The following ZNF283 variants were observed in gnomAD, a reference collection of about 807,000 sequenced individuals.
ZNF283 encodes the protein zinc finger protein 41.
A neutral mutation model predicts 9.2 loss-of-function variants in ZNF283; 10 were observed. The observed-to-expected ratio is 1.09, with a 90% CI of 0.67 to 1.85. The LOEUF (loss-of-function observed/expected upper bound fraction) is 1.85. Ranked by LOEUF, ZNF283 falls within the 40% of genes most tolerant of loss-of-function variation. The pLI, the probability that ZNF283 is intolerant of heterozygous loss-of-function variation, is 0.00. For synonymous variants in ZNF283, 234 were observed against 244.1 expected (o/e 0.96, Z 0.38); for missense variants, 631 against 760.1 (o/e 0.83, Z 2.00).
At chr19:43,846,764 C>G (rs1447761652) in intron 6 of ZNF283, among the ~76,000 whole-genome samples, 175 bp from the exon 7 acceptor site, 1 of 152,078 alleles carries the variant, frequency 6.6e-6, no homozygotes, top group Admixed American at 6.6e-5. Flanking sequence ...TCAGAACATT[C>G]AGATCACAAG....
Position 43,847,730 on chromosome 19 carries a change from T to G in ZNF283, c.1129T>G (p.Cys377Gly). ...CCATACTGGTAAGAAACCTTATGAA[T>G]GTAAAATATGTGGAAAGGCTTTTTG... Reference protein sequence around the residue: ...KIHTGKKPYECKICGKAFCWG... With the variant: ...KIHTGKKPYEGKICGKAFCWG... The change falls in exon 7 of 7, where the codon TGT (cysteine) becomes GGT (glycine). Residue 377 changes from cysteine (C) to glycine (G), a missense_variant. Around this residue, in one of 3 missense-constraint regions of ZNF283, gnomAD observed 444 missense variants for 522.5 expected, o/e 0.85. Coordinates refer to ENST00000618787, the MANE Select transcript of ZNF283 (RefSeq NM_181845.2). 6.2e-7 allele frequency: 1 copy of G among 1,613,674 alleles called. No homozygotes were observed.
intron 2 of ZNF283, 139 bp from the exon 3 acceptor site, chr19:43,831,179 G>A: frequency 1.9e-6 from 1 of 523,516 alleles, no homozygotes; most frequent in South Asian, 3.0e-5. Flanking sequence ...TACTTTAATT[G>A]GTCATTCACT....
intron 2 of ZNF283, among the ~76,000 whole-genome samples, chr19:43,829,820 G>A (rs1314350344): frequency 6.6e-6 from 1 of 152,014 alleles, no homozygotes; most frequent in African/African-American, 2.4e-5. Context: ...TCAGAAGTTC[G>A]AGACCAGCCT....
chr19:43,836,660 G>A (rs1599718060), intron 5 of ZNF283, among the ~76,000 whole-genome samples: 1 of 152,172 alleles, frequency 6.6e-6, no homozygotes, highest in Admixed American at 6.6e-5. Flanking sequence ...ATTTCTTAAA[G>A]GGGAAAGATG....
intron 6 of ZNF283, among the ~76,000 whole-genome samples, chr19:43,843,293 A>T (rs750284871): frequency 2.6e-5 from 4 of 152,196 alleles, no homozygotes; most frequent in Non-Finnish European, 5.9e-5. Flanking sequence ...GTGAGCCAAG[A>T]TCGTGCCACT....
Position 43,849,735 on chromosome 19 carries a change from TC to T in ZNF283, c.*1095del, listed in dbSNP as rs1971553813. The T allele has an allele frequency of 6.6e-6, 1 of 152,206 alleles. No homozygotes were observed. The highest frequency in any genetic ancestry group is 1.5e-5 in the Non-Finnish European group (1 of 68,038). 9.4% of individuals were successfully genotyped at this position (152,206 alleles called of 1,614,324 possible). On this transcript the variant is annotated 3_prime_UTR_variant, in exon 7 of 7. Transcript: ENST00000618787. Reference sequence around the variant, plus strand: ...GATGGTGAGCAAAATGCTTATCTCTTCTGGACATGATGTTTCAAATGCTGAT... The same window carrying T: ...GATGGTGAGCAAAATGCTTATCTCTTTGGACATGATGTTTCAAATGCTGAT...
rs1392399011 is a variant in ZNF283 at position 43,847,367 on chromosome 19, T to C, written c.766T>C (p.Phe256Leu). 2 of 1,613,730 alleles carry C rather than the reference T, an allele frequency of 1.2e-6. No individual in the cohort carries two copies. Among genetic ancestry groups the C allele is most frequent in the Non-Finnish European group, 1.7e-6 (2 of 1,179,884 alleles). Residue 256 changes from phenylalanine to leucine, a missense_variant, in exon 7 of 7, where the codon TTT becomes CTT. By Grantham distance (22) the Phe-to-Leu change is conservative. Transcript: ENST00000618787. Reference protein sequence around the residue: ...SAYQLNVHQRFHTGEKPYECK... With the variant: ...SAYQLNVHQRLHTGEKPYECK... ...CTATCAACTCAATGTGCATCAGAGA[T>C]TTCATACTGGTGAGAAACCCTATGA...
rs772479572 is a variant in ZNF283, at chr19:43,847,926, G to A, written c.1325G>A (p.Arg442His). Residue 442 changes from arginine (R) to histidine (H), a missense_variant, in exon 7 of 7, where the codon CGT (arginine) becomes CAT (histidine). This residue lies in a region of ZNF283 where 444 missense variants were observed against 522.5 expected (regional missense o/e 0.85). Transcript: ENST00000618787. The stretch of plus-strand genomic sequence containing the variant: ...AAAGAATGTGGAAAGGCCTTTAGTC[G>A]TGGCTATCACCTTTCTCAACATCAG... ...ECKECGKAFS[R>H]GYHLSQHQKI... is the part of the protein sequence containing the mutation. 9 of 1,613,758 alleles carry A rather than the reference G, an allele frequency of 5.6e-6. No homozygotes were observed. Among genetic ancestry groups the A allele is most frequent in the Non-Finnish European group, 6.8e-6 (8 of 1,179,884 alleles).
chr19:43,829,730 TA>T (rs1970619205), intron 2 of ZNF283, among the ~76,000 whole-genome samples: 1 of 151,786 alleles, frequency 6.6e-6, no homozygotes. Flanking sequence ...GCAAATTAAC[TA>T]AAAAAGTGGG....
At chr19:43,844,446 C>T (rs1312636101) in intron 6 of ZNF283, among the ~76,000 whole-genome samples, 1 of 152,152 alleles carries the variant, frequency 6.6e-6, no homozygotes, top group Admixed American at 6.5e-5. Context: ...TTGTACAAAA[C>T]TGTACTCCTT....
chr19:43,837,272 G>C lies in ZNF283; in HGVS notation c.337+93G>C, dbSNP rs565976924. On this transcript the variant is annotated intron_variant, in intron 6 of 6. Transcript: ENST00000618787. Reference sequence around the variant, plus strand: ...TACAGGGCTATCTTTGAAGAAACCAGGTGAATTTCTTCTCCCCCTTCCCAA... The same window carrying C: ...TACAGGGCTATCTTTGAAGAAACCACGTGAATTTCTTCTCCCCCTTCCCAA... The C allele has an allele frequency of 1.6e-4, 216 of 1,331,722 alleles. 3 individuals are homozygous for C. In the South Asian group the frequency reaches 3.1e-3, roughly 19 times the overall value. The allele number at this position is 1,331,722 out of a possible 1,614,324, so 82.5% of individuals were successfully genotyped here. A position where few individuals can be genotyped will look rare whatever the true frequency, so the allele number is the denominator to read the frequency against.
intron 5 of ZNF283, 40 bp downstream of exon 5, chr19:43,835,632 T>C (rs1325209278): frequency 7.1e-7 from 1 of 1,416,992 alleles, no homozygotes; most frequent in South Asian, 1.2e-5. Context: ...ACTGTGATTT[T>C]TAGGGCGTGT....
chr19:43,846,053 C>T (rs6509120), intron 6 of ZNF283, among the ~76,000 whole-genome samples: 61,545 of 151,960 alleles, frequency 0.41, 12,892 homozygotes, highest in South Asian at 0.55. Flanking sequence ...ATTTGTTCTT[C>T]CTCTTTTATG....
rs923626558 is a variant in ZNF283 at position 43,849,597 on chromosome 19, T to G, written c.*956T>G. 1 of 152,340 alleles carries G rather than the reference T, an allele frequency of 6.6e-6. No homozygotes were observed. Among genetic ancestry groups the G allele is most frequent in the South Asian group, 2.1e-4 (1 of 4,830 alleles). The allele number at this position is 152,340 out of a possible 1,614,324, so 9.4% of individuals were successfully genotyped here. A position where few individuals can be genotyped will look rare whatever the true frequency, so the allele number is the denominator to read the frequency against. On this transcript the variant is annotated 3_prime_UTR_variant, in exon 7 of 7. Coordinates refer to ENST00000618787, the MANE Select transcript of ZNF283 (RefSeq NM_181845.2). ...CAACACTATTCAGTCTTTGTTAAAC[T>G]TCAGTAAGTTCATCCTAGAGAGTAA...
In ZNF283 at chr19:43,838,397, G is replaced by C. The variant is rs571968232; in HGVS notation, c.337+1218G>C. ...TCCCAGCACTTTGGGAAGCTGAGAC[G>C]GTTGGATCACTTGAGGCCAGGAGTT... On this transcript the variant is annotated intron_variant, in intron 6 of 6. Coordinates refer to ENST00000618787, the MANE Select transcript of ZNF283 (RefSeq NM_181845.2). Among the ~76,000 whole-genome samples, 6 of 152,260 alleles carry C rather than the reference G, an allele frequency of 3.9e-5. No homozygotes were observed. The South Asian group carries it at 1.2e-3, about 32-fold the overall frequency.
At chr19:43,843,907 T>A (rs1157952445) in intron 6 of ZNF283, among the ~76,000 whole-genome samples, 1 of 152,168 alleles carries the variant, frequency 6.6e-6, no homozygotes, top group African/African-American at 2.4e-5. Context: ...ATTCTGCCAT[T>A]TTCCAACTAT....
At position 43,847,476 on chromosome 19, in the gene ZNF283, A is replaced by G. The variant is rs761590446; in HGVS notation, c.875A>G (p.Glu292Gly). The G allele has an allele frequency of 3.0e-5, 48 of 1,613,740 alleles. No individual in the cohort carries two copies. In the South Asian group the frequency reaches 5.2e-4, roughly 17 times the overall value. ...ERIHTGEKPY[E>G]CKECGKAFSR... ...ATTCACACTGGTGAGAAACCCTATG[A>G]ATGTAAAGAATGTGGGAAGGCCTTT... Residue 292 changes from glutamate (E) to glycine (G), a missense_variant, in exon 7 of 7, where the codon GAA becomes GGA. Physicochemically the swap from Glu to Gly is moderately conservative, Grantham distance 98. Transcript: ENST00000618787.
chr19:43,833,484 C>CTTTTTT (rs55882936), intron 3 of ZNF283, 21 bp from the exon 4 acceptor site: 18 of 138,074 alleles, frequency 1.3e-4, no homozygotes, highest in South Asian at 5.6e-4. Flanking sequence ...TTACCTATTT[C>CTTTTTT]TTTTTTTTTT....
chr19:43,841,109 A>G (rs921557497), intron 6 of ZNF283: 8 of 152,086 alleles, frequency 5.3e-5, no homozygotes, highest in Non-Finnish European at 7.4e-5. Context: ...TATTCATTTA[A>G]TGTCACTATT....
Sources: allele counts gnomAD v4.1 joint callset (sites outside exome capture counted in the v4.1 genomes callset), GRCh38; gene constraint gnomAD v4.1.1; regional missense constraint gnomAD v4.1.1; transcripts MANE v1.5; gene names NCBI Gene and HGNC (gene_info 2026-07-23, HGNC 2026-07-21).